Variants in ABCB1 observed in about 807,000 individuals in gnomAD.
ABCB1 encodes ATP binding cassette subfamily B member 1.
A neutral mutation model predicts 142.0 loss-of-function variants in ABCB1; 69 were observed. The observed-to-expected ratio is 0.49, with a 90% CI of 0.40 to 0.59. The LOEUF (loss-of-function observed/expected upper bound fraction) is 0.59. ABCB1 is among the 20% of genes least tolerant of loss of function. The probability of loss-of-function intolerance (pLI) is 0.00; values close to 1 mark genes in which losing one functional copy is unlikely to be tolerated. For synonymous variants in ABCB1, 532 were observed against 539.2 expected (o/e 0.99, Z 0.18); for missense variants, 1,326 against 1,554.7 (o/e 0.85, Z 2.47).
chr7:87,632,112 C>CAA (rs201197232), intron 1 of ABCB1, among the ~76,000 whole-genome samples: 2 of 134,994 alleles, frequency 1.5e-5, no homozygotes, highest in Admixed American at 7.4e-5. Context: ...TTTACAAAAC[C>CAA]AAAAAAAAAA....
chr7:87,694,096 TTTTG>T, intron 1 of ABCB1: 1 of 1,478,908 alleles, frequency 6.8e-7, no homozygotes, highest in Non-Finnish European at 8.9e-7. Context: ...TTTTGTGTGT[TTTTG>T]TTTTTTTTTT....
intron 1 of ABCB1, among the ~76,000 whole-genome samples, chr7:87,681,069 G>C (rs1196653114): frequency 2.0e-5 from 3 of 150,232 alleles, no homozygotes; most frequent in Non-Finnish European, 4.4e-5. Context: ...TACATTCAAA[G>C]GATAAAAAGT....
At chr7:87,639,125 G>A (rs1388655501) in intron 1 of ABCB1, among the ~76,000 whole-genome samples, 1 of 123,760 alleles carries the variant, frequency 8.1e-6, no homozygotes, top group Non-Finnish European at 1.6e-5. Flanking sequence ...CTGCACTCCA[G>A]CCTGGGCGAC....
intron 1 of ABCB1, among the ~76,000 whole-genome samples, chr7:87,672,954 A>G (rs1188014423): frequency 6.6e-6 from 1 of 152,058 alleles, no homozygotes; most frequent in Non-Finnish European, 1.5e-5. Context: ...GTCTTTCTCT[A>G]TGAGAGCCAT....
chr7:87,584,216 GA>G (rs1818636295), intron 4 of ABCB1, among the ~76,000 whole-genome samples: 2 of 152,306 alleles, frequency 1.3e-5, no homozygotes, highest in East Asian at 3.9e-4. Context: ...TTAGGGTCAT[GA>G]AGTGGTTCTG....
chr7:87,628,980 C>G (rs754002701), intron 1 of ABCB1: 1 of 1,304,492 alleles, frequency 7.7e-7, no homozygotes, highest in South Asian at 3.3e-5. Flanking sequence ...ACCAGCCTCC[C>G]GCCGGGGCTG....
At chr7:87,682,427 T>C (rs931860652) in intron 1 of ABCB1, among the ~76,000 whole-genome samples, 1 of 152,192 alleles carries the variant, frequency 6.6e-6, no homozygotes, top group South Asian at 2.1e-4. Flanking sequence ...TCATTGTCTA[T>C]GGAGGCTAGA....
intron 1 of ABCB1, among the ~76,000 whole-genome samples, chr7:87,641,855 A>G (rs1822491728): frequency 6.6e-6 from 1 of 152,226 alleles, no homozygotes; most frequent in African/African-American, 2.4e-5. Context: ...AAAGATTCAT[A>G]TTTAACATTA....
chr7:87,677,086 C>T (rs1169220302), intron 1 of ABCB1, among the ~76,000 whole-genome samples: 2 of 152,124 alleles, frequency 1.3e-5, no homozygotes, highest in Non-Finnish European at 1.5e-5. Context: ...CAAAAAATTA[C>T]AAGTAGAACT....
At chr7:87,680,382 G>T (rs948835741) in intron 1 of ABCB1, among the ~76,000 whole-genome samples, 3 of 150,702 alleles carry the variant, frequency 2.0e-5, no homozygotes, top group Non-Finnish European at 4.4e-5. Flanking sequence ...ACTAAAACGC[G>T]TTGTATCAAA....
chr7:87,598,882 T>C (rs1819322377), intron 2 of ABCB1, among the ~76,000 whole-genome samples: 1 of 152,178 alleles, frequency 6.6e-6, no homozygotes, highest in East Asian at 1.9e-4. Context: ...CTTTCTATTT[T>C]TCCTGTCCCA....
chr7:87,684,636 T>C (rs924887823), intron 1 of ABCB1, among the ~76,000 whole-genome samples: 2 of 149,070 alleles, frequency 1.3e-5, no homozygotes, highest in African/African-American at 5.0e-5. Context: ...TAGCCCCAGC[T>C]ACGCAGGAGG....
At chr7:87,660,496 G>A (rs1016707967) in intron 1 of ABCB1, among the ~76,000 whole-genome samples, 3 of 151,960 alleles carry the variant, frequency 2.0e-5, no homozygotes, top group African/African-American at 4.8e-5. Context: ...AGTCTAAAAC[G>A]TTTTTAGTTC....
chr7:87,568,781 G>C (rs1320002668), intron 5 of ABCB1, among the ~76,000 whole-genome samples: 1 of 152,164 alleles, frequency 6.6e-6, no homozygotes, highest in Non-Finnish European at 1.5e-5. Context: ...AAGTGTTCAT[G>C]ATACAACAAG....
intron 4 of ABCB1, among the ~76,000 whole-genome samples, chr7:87,577,375 A>T (rs548803204): frequency 3.0e-4 from 45 of 152,292 alleles, no homozygotes; most frequent in Admixed American, 5.9e-4. Flanking sequence ...TGCAAGAAAC[A>T]TGGGAGTGCA....
chr7:87,696,400 A>G (rs1170900508), intron 1 of ABCB1, among the ~76,000 whole-genome samples: 1 of 152,176 alleles, frequency 6.6e-6, no homozygotes, highest in Non-Finnish European at 1.5e-5. Flanking sequence ...GACTTTTACT[A>G]GCAGTTAATC....
intron 4 of ABCB1, among the ~76,000 whole-genome samples, chr7:87,579,482 C>G (rs1818417343): frequency 1.3e-5 from 2 of 152,128 alleles, no homozygotes; most frequent in Admixed American, 1.3e-4. Context: ...ATTTTATATC[C>G]TTCATTCTGT....
intron 21 of ABCB1, among the ~76,000 whole-genome samples, chr7:87,527,843 T>G (rs1283214794): frequency 6.6e-6 from 1 of 152,160 alleles, no homozygotes; most frequent in Non-Finnish European, 1.5e-5. Flanking sequence ...ATGGTTTTAT[T>G]TTATGATTTA....
rs1817031339 is a variant in ABCB1, at chr7:87,550,821, T to C, written c.1017A>G (p.Leu339=). 6.2e-7 allele frequency: 1 copy of C among 1,611,474 alleles called. No homozygotes were observed. The highest frequency in any genetic ancestry group is 8.5e-7 in the Non-Finnish European group (1 of 1,177,766). Residue 339 remains leucine (L), a synonymous_variant, in exon 10 of 28, where the codon TTA becomes TTG. Coordinates refer to ENST00000622132, the MANE Select transcript of ABCB1 (RefSeq NM_001348946.2). ...GQVLTVFFSV[L]IGAFSVGQAS... The stretch of plus-strand genomic sequence containing the variant: ...CCTGTCCAACACTAAAAGCCCCAAT[T>C]AATACAGAAAAGAATACCTGAGGAA...
Sources: gnomAD v4.1 joint callset for allele counts (sites outside exome capture counted in the v4.1 genomes callset) on GRCh38, gnomAD v4.1.1 for gene constraint, MANE v1.5 for transcripts, NCBI Gene and HGNC (gene_info 2026-07-23, HGNC 2026-07-21) for gene names.